Variants in SLC16A10 observed in about 807,000 individuals in gnomAD.
SLC16A10 encodes the protein monocarboxylate transporter 10.
In SLC16A10, 27 loss-of-function variants were observed where a neutral mutation model predicts 40.0. The ratio of observed to expected loss-of-function variants is 0.67; its 90% confidence interval spans 0.50 to 0.93. The LOEUF is 0.93. Among genes scored for constraint, SLC16A10 ranks in the 40% least tolerant of loss-of-function variants. SLC16A10 has a pLI of 0.00. For synonymous variants in SLC16A10, 213 were observed against 249.8 expected (o/e 0.85, Z 1.39); for missense variants, 529 against 658.2 (o/e 0.80, Z 2.15).
chr6:111,151,583 G>C (rs1772173442), intron 1 of SLC16A10, among the ~76,000 whole-genome samples: 1 of 152,126 alleles, frequency 6.6e-6, no homozygotes, highest in Non-Finnish European at 1.5e-5. Context: ...TCTTCAAACT[G>C]TTGCCAAAGA....
intron 1 of SLC16A10, among the ~76,000 whole-genome samples, chr6:111,167,655 G>GTAA: frequency 6.6e-6 from 1 of 151,834 alleles, no homozygotes; most frequent in Non-Finnish European, 1.5e-5. Flanking sequence ...TTGTGTGTGT[G>GTAA]TGTATGTGAG....
chr6:111,089,755 T>C (rs1770939106), intron 1 of SLC16A10, among the ~76,000 whole-genome samples: 1 of 152,078 alleles, frequency 6.6e-6, no homozygotes, highest in Non-Finnish European at 1.5e-5. Context: ...AAGGCAGAAT[T>C]GACAGAGTTA....
intron 1 of SLC16A10, among the ~76,000 whole-genome samples, chr6:111,157,742 A>G (rs1338825119): frequency 6.6e-6 from 1 of 152,188 alleles, no homozygotes; most frequent in Non-Finnish European, 1.5e-5. Context: ...AAAGTATAAA[A>G]TAAATATCTA....
In SLC16A10 at chr6:111,226,889, T is replaced by G. The variant is rs1333713425; in HGVS notation, c.*4654T>G. 1 of 152,270 alleles carries G rather than the reference T, an allele frequency of 6.6e-6. No individual in the cohort carries two copies. Among genetic ancestry groups the G allele is most frequent in the East Asian group, 1.9e-4 (1 of 5,194 alleles). The allele number at this position is 152,270 out of a possible 1,614,324, so 9.4% of individuals were successfully genotyped here. Reference sequence around the variant, plus strand: ...GCTCACGCCTGTAATCCCAGCACTTTGGGAGTCCAAGGCGGTAGGATCACC... The same window carrying G: ...GCTCACGCCTGTAATCCCAGCACTTGGGGAGTCCAAGGCGGTAGGATCACC... On this transcript the variant is annotated 3_prime_UTR_variant, in exon 6 of 6. Transcript: ENST00000368851.
intron 1 of SLC16A10, among the ~76,000 whole-genome samples, chr6:111,114,280 A>G (rs1771444925): frequency 1.3e-5 from 2 of 152,250 alleles, no homozygotes; most frequent in Non-Finnish European, 2.9e-5. Flanking sequence ...TACATTGGTA[A>G]ATCTCAAAAA....
intron 1 of SLC16A10, among the ~76,000 whole-genome samples, chr6:111,100,959 C>T (rs9400466): frequency 0.12 from 9,624 of 80,546 alleles, 546 homozygotes; most frequent in South Asian, 0.14. Flanking sequence ...TCTTTCTCTC[C>T]CTCTCTCTCT....
At chr6:111,153,748 A>T (rs1200512898) in intron 1 of SLC16A10, among the ~76,000 whole-genome samples, 2 of 152,232 alleles carry the variant, frequency 1.3e-5, no homozygotes, top group African/African-American at 4.8e-5. Flanking sequence ...ATGAAACCGT[A>T]TATATAAAGT....
intron 4 of SLC16A10, among the ~76,000 whole-genome samples, chr6:111,216,647 C>G (rs1007033225): frequency 2.0e-5 from 3 of 151,154 alleles, no homozygotes; most frequent in African/African-American, 7.3e-5. Flanking sequence ...GATCTCCTGA[C>G]CTCGTGATCC....
chr6:111,166,988 A>G (rs1772484766), intron 1 of SLC16A10, among the ~76,000 whole-genome samples: 1 of 152,238 alleles, frequency 6.6e-6, no homozygotes, highest in Non-Finnish European at 1.5e-5. Context: ...TTTGGCATCT[A>G]TGTCTCAAGA....
intron 1 of SLC16A10, among the ~76,000 whole-genome samples, chr6:111,123,292 A>G (rs929779712): frequency 6.6e-6 from 1 of 152,224 alleles, no homozygotes; most frequent in Non-Finnish European, 1.5e-5. Flanking sequence ...ATCCCAGTGT[A>G]TAGGCCATAG....
At position 111,224,676 on chromosome 6, in the gene SLC16A10, G is replaced by C. The variant is rs569461949; in HGVS notation, c.*2441G>C. 1 of 152,082 alleles carries C rather than the reference G, an allele frequency of 6.6e-6. No individual in the cohort carries two copies. The highest frequency in any genetic ancestry group is 1.5e-5 in the Non-Finnish European group (1 of 68,004). The allele number at this position is 152,082 out of a possible 1,614,324, so 9.4% of individuals were successfully genotyped here. A position where few individuals can be genotyped will look rare whatever the true frequency, so the allele number is the denominator to read the frequency against. The stretch of plus-strand genomic sequence containing the variant: ...ACGTAAGATGCTAAATTCCATAAAT[G>C]CATATTTAGTACTATGTTTTTTGTG... On this transcript the variant is annotated 3_prime_UTR_variant, in exon 6 of 6. Transcript: ENST00000368851.
At chr6:111,153,591 T>C (rs1025725876) in intron 1 of SLC16A10, among the ~76,000 whole-genome samples, 4 of 152,046 alleles carry the variant, frequency 2.6e-5, no homozygotes, top group African/African-American at 9.7e-5. Flanking sequence ...TAAGGAGTGA[T>C]GGAGTGGACA....
intron 1 of SLC16A10, among the ~76,000 whole-genome samples, chr6:111,161,657 T>A (rs1019750078): frequency 6.6e-6 from 1 of 152,038 alleles, no homozygotes; most frequent in Non-Finnish European, 1.5e-5. Flanking sequence ...TGGAGTTTAA[T>A]GGCCTGAAAA....
intron 1 of SLC16A10, among the ~76,000 whole-genome samples, chr6:111,118,463 C>T (rs917327634): frequency 2.0e-5 from 3 of 151,998 alleles, no homozygotes; most frequent in Admixed American, 6.6e-5. Context: ...GGGCGGATCA[C>T]GAGGTGAAGA....
chr6:111,186,626 G>A (rs1483786049), intron 3 of SLC16A10, among the ~76,000 whole-genome samples: 2 of 152,094 alleles, frequency 1.3e-5, no homozygotes, highest in Non-Finnish European at 2.9e-5. Context: ...CTAACTCTAA[G>A]GATCATAGAG....
intron 1 of SLC16A10, among the ~76,000 whole-genome samples, chr6:111,088,554 G>T (rs890778346): frequency 2.0e-5 from 3 of 151,448 alleles, no homozygotes; most frequent in African/African-American, 4.9e-5. Context: ...TTGGCGGGGC[G>T]GGGGGTGGAG....
chr6:111,193,257 T>C (rs543288108), intron 3 of SLC16A10: 4 of 985,254 alleles, frequency 4.1e-6, no homozygotes, highest in Admixed American at 6.1e-5. Flanking sequence ...CTTGTTTTTT[T>C]CTAGCTTTTC....
intron 1 of SLC16A10, among the ~76,000 whole-genome samples, chr6:111,149,578 T>A (rs1409101966): frequency 6.6e-6 from 1 of 152,218 alleles, no homozygotes; most frequent in African/African-American, 2.4e-5. Flanking sequence ...CAGTATAAAA[T>A]ATCAGATTTC....
chr6:111,219,060 C>T lies in SLC16A10; in HGVS notation c.1315+18C>T. The T allele has an allele frequency of 1.3e-6, 2 of 1,586,414 alleles. No homozygotes were observed. Among genetic ancestry groups the T allele is most frequent in the African/African-American group, 1.3e-5 (1 of 74,462 alleles). On this transcript the variant is annotated intron_variant, in intron 5 of 5. Transcript: ENST00000368851. ...CATTGCAGGTAAATATAATGATTCT[C>T]CAGTAGTTATATTAATTCATAGTAT...
Sources: gnomAD v4.1 joint callset for allele counts (sites outside exome capture counted in the v4.1 genomes callset) on GRCh38, gnomAD v4.1.1 for gene constraint, MANE v1.5 for transcripts, NCBI Gene and HGNC (gene_info 2026-07-23, HGNC 2026-07-21) for gene names.